The following RBPJ variants were observed in gnomAD, a reference collection of about 807,000 sequenced individuals.
The protein encoded by RBPJ is recombining binding protein suppressor of hairless.
In RBPJ, 9 loss-of-function variants were observed where a neutral mutation model predicts 67.8. The observed-to-expected ratio is 0.13, with a 90% CI of 0.08 to 0.23. RBPJ has a LOEUF of 0.23. Ranked by LOEUF, RBPJ falls within the 10% of genes least tolerant of loss-of-function variation. The probability of loss-of-function intolerance (pLI) is 1.00; values close to 1 mark genes in which losing one functional copy is unlikely to be tolerated. For synonymous variants in RBPJ, 198 were observed against 203.3 expected (o/e 0.97, Z 0.22); for missense variants, 305 against 595.6 (o/e 0.51, Z 5.08).
At chr4:26,330,835 T>C (rs1388307519) in intron 1 of RBPJ, among the ~76,000 whole-genome samples, 1 of 152,232 alleles carries the variant, frequency 6.6e-6, no homozygotes, top group Non-Finnish European at 1.5e-5. Context: ...CTGTGTGCTC[T>C]TATTTGTATT....
chr4:26,297,239 T>A (rs956144043), intron 1 of RBPJ, among the ~76,000 whole-genome samples: 1 of 152,000 alleles, frequency 6.6e-6, no homozygotes, highest in Non-Finnish European at 1.5e-5. Flanking sequence ...AAGGCTGCAG[T>A]GGGCAGTGAG....
At chr4:26,279,421 C>T (rs1046079728) in intron 1 of RBPJ, among the ~76,000 whole-genome samples, 7 of 152,182 alleles carry the variant, frequency 4.6e-5, no homozygotes, top group African/African-American at 1.7e-4. Flanking sequence ...GTTGGGACTA[C>T]AAGCGTGCCC....
chr4:26,339,740 G>A (rs186601614), intron 1 of RBPJ, among the ~76,000 whole-genome samples: 1 of 151,614 alleles, frequency 6.6e-6, no homozygotes, highest in African/African-American at 2.4e-5. Flanking sequence ...GAACACTTCT[G>A]GTCAGGCAGT....
At chr4:26,349,045 G>A (rs1256705825) in intron 1 of RBPJ, among the ~76,000 whole-genome samples, 1 of 151,526 alleles carries the variant, frequency 6.6e-6, no homozygotes, top group Admixed American at 6.6e-5. Flanking sequence ...AAAGTTAATG[G>A]CAGGAACTCA....
intron 1 of RBPJ, among the ~76,000 whole-genome samples, chr4:26,362,137 G>T (rs1255146663): frequency 6.6e-6 from 1 of 152,180 alleles, no homozygotes; most frequent in East Asian, 1.9e-4. Flanking sequence ...AATAGTGGTC[G>T]TTGAGAAGCA....
At chr4:26,333,461 T>A (rs1258717493) in intron 1 of RBPJ, among the ~76,000 whole-genome samples, 4 of 152,232 alleles carry the variant, frequency 2.6e-5, no homozygotes, top group African/African-American at 9.6e-5. Context: ...TACACTTGAT[T>A]AGACTAGTCT....
rs138388081 is a variant in RBPJ, at chr4:26,323,614, A to G, written c.20+2566A>G. Among the ~76,000 whole-genome samples the G allele has an allele frequency of 5.1e-3, 775 of 152,314 alleles. 5 individuals carry two copies. The highest frequency in any genetic ancestry group is 9.1e-3 in the Admixed American group (139 of 15,306). The stretch of plus-strand genomic sequence containing the variant: ...ATTTTCAGAAAACAGGAGACTTGCA[A>G]TATTTTCAAATCTGTACTAATACAC... On this transcript the variant is annotated intron_variant, in intron 1 of 10. Coordinates refer to ENST00000355476, the MANE Select transcript of RBPJ (RefSeq NM_015874.6).
intron 2 of RBPJ, among the ~76,000 whole-genome samples, chr4:26,398,088 G>T (rs2109700347): frequency 6.6e-6 from 1 of 152,284 alleles, no homozygotes; most frequent in African/African-American, 2.4e-5. Flanking sequence ...GTGTGTGTGT[G>T]TGTGTGATTA....
rs1174951840 is a variant in RBPJ at position 26,433,712 on chromosome 4, C to CT, written c.*2707dup. ...GAGTGAAATGATTTGTCCATTGTAG[C>CT]TTATTGTTTATCAGTAGTTCTTTTG... On this transcript the variant is annotated 3_prime_UTR_variant, in exon 11 of 11. Coordinates refer to ENST00000355476, the MANE Select transcript of RBPJ (RefSeq NM_015874.6). 3 of 152,056 alleles carry CT rather than the reference C, an allele frequency of 2.0e-5. No individual in the cohort carries two copies. Among genetic ancestry groups the CT allele is most frequent in the Non-Finnish European group, 4.4e-5 (3 of 68,000 alleles). The allele number at this position is 152,056 out of a possible 1,614,324, so 9.4% of individuals were successfully genotyped here.
At chr4:26,191,965 CA>C (rs1264870737) in intron 1 of RBPJ, among the ~76,000 whole-genome samples, 2 of 152,090 alleles carry the variant, frequency 1.3e-5, no homozygotes, top group African/African-American at 4.8e-5. Context: ...AACTCTTCCA[CA>C]AACCACTATC....
rs527740322 is a variant in RBPJ at position 26,284,210 on chromosome 4, A to G, written c.-166-78236A>G. ...GCTGTGAAGAGAATAAAGGCTAGGAAATACAGGACTGCTGACTTTACACCC... is the reference window on the plus strand; with the variant it reads ...GCTGTGAAGAGAATAAAGGCTAGGAGATACAGGACTGCTGACTTTACACCC... On this transcript the variant is annotated intron_variant, in intron 1 of 4. Coordinates refer to the RBPJ transcript ENST00000512351. 1.2e-4 allele frequency among the ~76,000 whole-genome samples: 19 copies of G among 152,316 alleles called. 2 individuals carry two copies. The highest frequency in any genetic ancestry group is 4.6e-4 in the African/African-American group (19 of 41,578).
intron 3 of RBPJ, among the ~76,000 whole-genome samples, chr4:26,411,780 CT>C (rs375447495): frequency 5.3e-5 from 8 of 152,092 alleles, no homozygotes; most frequent in African/African-American, 1.7e-4. Context: ...ATCAGTTTAG[CT>C]CTCTTTATAT....
chr4:26,376,289 C>A (rs1451727647), intron 1 of RBPJ, among the ~76,000 whole-genome samples: 1 of 152,166 alleles, frequency 6.6e-6, no homozygotes. Context: ...TCTCCATTCT[C>A]CCTTCCCCCC....
At chr4:26,234,935 G>T (rs1183540872) in intron 1 of RBPJ, among the ~76,000 whole-genome samples, 1 of 151,884 alleles carries the variant, frequency 6.6e-6, no homozygotes, top group Non-Finnish European at 1.5e-5. Context: ...TCAAGTGATC[G>T]CCCACCTCGG....
At chr4:26,417,231 C>A (rs1234568807) in intron 4 of RBPJ, among the ~76,000 whole-genome samples, 2 of 152,168 alleles carry the variant, frequency 1.3e-5, no homozygotes, top group Non-Finnish European at 2.9e-5. Context: ...TCATTTTAAC[C>A]AGTTCCAGCT....
chr4:26,208,623 C>A (rs1718251873), intron 1 of RBPJ, among the ~76,000 whole-genome samples: 2 of 152,156 alleles, frequency 1.3e-5, no homozygotes, highest in African/African-American at 4.8e-5. Context: ...TTATGATGAA[C>A]CCAGTTTATC....
At chr4:26,200,444 G>A (rs1445140779) in intron 1 of RBPJ, among the ~76,000 whole-genome samples, 1 of 152,048 alleles carries the variant, frequency 6.6e-6, no homozygotes, top group African/African-American at 2.4e-5. Context: ...TGAAGTGGAA[G>A]GGTCACCTGA....
chr4:26,250,052 C>T (rs1445286799), intron 1 of RBPJ, among the ~76,000 whole-genome samples: 3 of 151,280 alleles, frequency 2.0e-5, no homozygotes, highest in South Asian at 2.1e-4. Flanking sequence ...TCCCAAAGTG[C>T]TGGGATTACA....
intron 1 of RBPJ, among the ~76,000 whole-genome samples, chr4:26,176,344 CT>C (rs1716795089): frequency 6.6e-6 from 1 of 152,146 alleles, no homozygotes; most frequent in Non-Finnish European, 1.5e-5. Context: ...TTCAACCAGA[CT>C]CACTGAGTTT....
Sources: gnomAD v4.1 joint callset for allele counts (sites outside exome capture counted in the v4.1 genomes callset) on GRCh38, gnomAD v4.1.1 for gene constraint, MANE v1.5 for transcripts, NCBI Gene and HGNC (gene_info 2026-07-23, HGNC 2026-07-21) for gene names.